The following TDRD9 variants were observed in gnomAD, a reference collection of about 807,000 sequenced individuals.
The protein encoded by TDRD9 is tudor domain containing 9.
In TDRD9, 124 loss-of-function variants were observed where a neutral mutation model predicts 172.6. The ratio of observed to expected loss-of-function variants is 0.72; its 90% CI spans 0.62 to 0.83. The LOEUF is 0.83. TDRD9 is among the 40% of genes least tolerant of loss of function. The pLI is 0.00. For missense variants in TDRD9, 1,479 were observed against 1,714.1 expected, an observed-to-expected ratio of 0.86 and a Z score of 2.42; for synonymous variants, 619 against 617.1, an observed-to-expected ratio of 1.00 and a Z score of -0.05.
intron 4 of TDRD9, 80 bp from the exon 5 acceptor site, chr14:103,966,629 C>G (rs2032759499): frequency 7.7e-7 from 1 of 1,298,666 alleles, no homozygotes; most frequent in Non-Finnish European, 1.0e-6. Flanking sequence ...CATTCCCTTT[C>G]TTACCCCCAT....
chr14:103,940,906 A>G, intron 1 of TDRD9: 1 of 1,535,278 alleles, frequency 6.5e-7, no homozygotes, highest in Non-Finnish European at 8.7e-7. Context: ...AATGGTGGGT[A>G]TTTCATCTTT....
chr14:104,013,295 G>A (rs2034672545), intron 20 of TDRD9, among the ~76,000 whole-genome samples: 1 of 152,214 alleles, frequency 6.6e-6, no homozygotes, highest in African/African-American at 2.4e-5. Flanking sequence ...GACATTTTGT[G>A]TGAAACAGTT....
intron 1 of TDRD9, chr14:103,941,578 C>T: frequency 1.3e-6 from 2 of 1,535,230 alleles, no homozygotes; most frequent in Non-Finnish European, 1.7e-6. Context: ...CTCTCTCGCT[C>T]CTTTAGGTGC....
chr14:103,999,644 A>ATTTAATCTTTG (rs1566771663), intron 13 of TDRD9, among the ~76,000 whole-genome samples: 1 of 116,582 alleles, frequency 8.6e-6, no homozygotes, highest in Non-Finnish European at 1.9e-5. Flanking sequence ...GTTTTTTAGA[A>ATTTAATCTTTG]AACCTTTTGG....
rs1368890863 is a variant in TDRD9, at chr14:103,991,233, A to G, written c.1180+9A>G. ...GTTGGTGTTTTTGCCAGGTAAGAAC[A>G]TCATAATTTTGTGACTTGGAATCAT... On this transcript the variant is annotated intron_variant, in intron 9 of 35. Coordinates refer to ENST00000409874, the MANE Select transcript of TDRD9 (RefSeq NM_153046.3). 1.9e-6 allele frequency: 3 copies of G among 1,613,938 alleles called. No individual in the cohort carries two copies. The Admixed American group carries it at 5.0e-5, about 27-fold the overall frequency.
intron 1 of TDRD9, among the ~76,000 whole-genome samples, chr14:103,946,306 TG>T (rs1460179184): frequency 6.6e-6 from 1 of 151,066 alleles, no homozygotes; most frequent in African/African-American, 2.5e-5. Context: ...TTAAAAGTTC[TG>T]GGTTATTGAT....
At chr14:104,019,418 A>G (rs1392202599) in intron 23 of TDRD9, among the ~76,000 whole-genome samples, 5 of 152,110 alleles carry the variant, frequency 3.3e-5, no homozygotes, top group African/African-American at 1.2e-4. Flanking sequence ...GCTGGAGTGC[A>G]GTGGCACAAT....
intron 23 of TDRD9, among the ~76,000 whole-genome samples, 194 bp downstream of exon 23, chr14:104,018,386 C>T (rs1368809516): frequency 6.6e-6 from 1 of 152,160 alleles, no homozygotes; most frequent in Non-Finnish European, 1.5e-5. Flanking sequence ...GCTAAGTGAC[C>T]TCCTAAAGGA....
chr14:103,952,729 CTTTTTTTTTTTTTT>C (rs68192057), intron 1 of TDRD9, among the ~76,000 whole-genome samples: 6 of 72,316 alleles, frequency 8.3e-5, no homozygotes, highest in African/African-American at 1.2e-4. Flanking sequence ...AATTCTCTCT[CTTTTTTTTTTTTTT>C]TTTTTTTTTT....
At chr14:103,930,064 C>A (rs1462654001) in intron 1 of TDRD9, among the ~76,000 whole-genome samples, 1 of 152,236 alleles carries the variant, frequency 6.6e-6, no homozygotes, top group African/African-American at 2.4e-5. Context: ...CCTGCTCCCT[C>A]TTCTCGCTCT....
At chr14:104,037,430 G>T (rs2035485478) in intron 32 of TDRD9, among the ~76,000 whole-genome samples, 1 of 152,232 alleles carries the variant, frequency 6.6e-6, no homozygotes, top group African/African-American at 2.4e-5. Flanking sequence ...TCTGGGTAAA[G>T]TCTGTTCTCC....
At chr14:104,011,239 A>T (rs137912785) in intron 20 of TDRD9, among the ~76,000 whole-genome samples, 396 of 152,190 alleles carry the variant, frequency 2.6e-3, no homozygotes, top group Middle Eastern at 6.8e-3. Flanking sequence ...GCTTGTTTGT[A>T]ATGTTTTCTC....
At chr14:104,038,503 G>A (rs1189267464) in intron 32 of TDRD9, among the ~76,000 whole-genome samples, 1 of 152,174 alleles carries the variant, frequency 6.6e-6, no homozygotes. Context: ...TGAAGGATTT[G>A]GAGGCTGGTG....
chr14:103,944,741 T>G (rs1264368320), intron 1 of TDRD9, among the ~76,000 whole-genome samples: 2 of 152,166 alleles, frequency 1.3e-5, no homozygotes, highest in Non-Finnish European at 2.9e-5. Flanking sequence ...AATTTTTGTA[T>G]TTTTAGTAGA....
At chr14:103,932,396 T>C (rs192664919) in intron 1 of TDRD9, among the ~76,000 whole-genome samples, 9 of 152,206 alleles carry the variant, frequency 5.9e-5, no homozygotes, top group African/African-American at 2.2e-4. Flanking sequence ...GGATGGCTTT[T>C]TTTCTTTTTG....
At chr14:104,003,700 C>G (rs2034336419) in intron 13 of TDRD9, among the ~76,000 whole-genome samples, 1 of 152,142 alleles carries the variant, frequency 6.6e-6, no homozygotes, top group Non-Finnish European at 1.5e-5. Context: ...GTCATGGTCT[C>G]TGTGGGCCAG....
At position 104,031,205 on chromosome 14, in the gene TDRD9, T is replaced by G; in HGVS notation, c.3380T>G (p.Leu1127Arg). Residue 1127 changes from leucine (L) to arginine (R), a missense_variant, in exon 29 of 36, where the codon CTC becomes CGC. Physicochemically the swap from Leu to Arg is moderately radical, Grantham distance 102. Coordinates refer to ENST00000409874, the MANE Select transcript of TDRD9 (RefSeq NM_153046.3). ...CCCATGAAAGACGACGAGAAATATC[T>G]CATCCGGATTTTGTTAGAGAGCTTT... is the stretch of plus-strand genomic sequence containing the variant. ...PFPMKDDEKYLIRILLESFST... is the reference protein window; with the variant it reads ...PFPMKDDEKYRIRILLESFST... 1 of 1,551,860 alleles carries G rather than the reference T, an allele frequency of 6.4e-7. No homozygotes were observed. The highest frequency in any genetic ancestry group is 8.7e-7 in the Non-Finnish European group (1 of 1,146,984).
In TDRD9 at chr14:104,018,138, A is replaced by C. The variant is rs1229602557; in HGVS notation, c.2378A>C (p.Gln793Pro). 6.2e-7 allele frequency: 1 copy of C among 1,609,434 alleles called. No homozygotes were observed. The stretch of plus-strand genomic sequence containing the variant: ...GGATTTCTTTACTATAAACAACTAC[A>C]GTCTCTCTTTAGACAGTGTGGTCAA... ...PYGFLYYKQL[Q>P]SLFRQCGQVK... The change falls in exon 23 of 36, where the codon CAG becomes CCG. Residue 793 changes from glutamine (Q) to proline (P), a missense_variant. Around this residue, in one of 3 missense-constraint regions of TDRD9, gnomAD observed 1,413 missense variants for 1,649.1 expected, o/e 0.86. Transcript: ENST00000409874.
chr14:103,972,111 G>A (rs1362215869), intron 6 of TDRD9, among the ~76,000 whole-genome samples: 3 of 152,060 alleles, frequency 2.0e-5, no homozygotes, highest in African/African-American at 7.2e-5. Context: ...CTGTGATTGC[G>A]CCACTGCACT....
Sources: gnomAD v4.1 joint callset for allele counts (sites outside exome capture counted in the v4.1 genomes callset) on GRCh38, gnomAD v4.1.1 for gene constraint, gnomAD v4.1.1 regional missense constraint, MANE v1.5 for transcripts, NCBI Gene and HGNC (gene_info 2026-07-23, HGNC 2026-07-21) for gene names.